COQ10B: variants seen among roughly 807,000 people sequenced by gnomAD.
COQ10B encodes coenzyme Q-binding protein COQ10 homolog B, mitochondrial.
COQ10B carries 12 observed loss-of-function variants against 27.6 expected under a neutral mutation model. That is an observed-to-expected ratio of 0.43 (90% CI 0.28 to 0.70). The LOEUF (loss-of-function observed/expected upper bound fraction) is 0.70. Among genes scored for constraint, COQ10B ranks in the 30% least tolerant of loss-of-function variants. The pLI is 0.17. For missense variants in COQ10B, 278 were observed against 288.7 expected, an observed-to-expected ratio of 0.96 and a Z score of 0.27; for synonymous variants, 115 against 103.0, an observed-to-expected ratio of 1.12 and a Z score of -0.71.
chr2:197,455,389 G>T (rs907555803), intron 1 of COQ10B, among the ~76,000 whole-genome samples: 1 of 152,070 alleles, frequency 6.6e-6, no homozygotes, highest in African/African-American at 2.4e-5. Context: ...ACTTTGGGAG[G>T]CTGAGGCGGG....
intron 4 of COQ10B, among the ~76,000 whole-genome samples, chr2:197,473,546 TGTG>T (rs1209081773): frequency 6.9e-6 from 1 of 144,072 alleles, no homozygotes; most frequent in African/African-American, 2.6e-5. Flanking sequence ...ATTAGCCACA[TGTG>T]GTGGCATATG....
Position 197,475,199 on chromosome 2 carries a change from T to TA in COQ10B, c.*1276dup, listed in dbSNP as rs1269038918. ...TATTTGCATAGACATAGTAAAGTGT[T>TA]ACAGCATTTCATGTCTTAAAAATAT... On this transcript the variant is annotated 3_prime_UTR_variant, in exon 5 of 5. Coordinates refer to ENST00000263960, the MANE Select transcript of COQ10B (RefSeq NM_025147.5). 10 of 152,370 alleles carry TA rather than the reference T, an allele frequency of 6.6e-5. No homozygotes were observed. Among genetic ancestry groups the TA allele is most frequent in the Non-Finnish European group, 8.8e-5 (6 of 68,048 alleles). The allele number at this position is 152,370 out of a possible 1,614,324, so 9.4% of individuals were successfully genotyped here.
At chr2:197,458,333 C>G (rs1243239552) in intron 1 of COQ10B, among the ~76,000 whole-genome samples, 2 of 152,116 alleles carry the variant, frequency 1.3e-5, no homozygotes, top group Non-Finnish European at 2.9e-5. Context: ...GTACACACTT[C>G]TTTTCTCTCT....
chr2:197,467,539 A>C (rs571685474), intron 3 of COQ10B, among the ~76,000 whole-genome samples: 53 of 152,110 alleles, frequency 3.5e-4, no homozygotes, highest in African/African-American at 1.2e-3. Context: ...CACCACGCCC[A>C]GCTAATTTTG....
rs552921206 is a variant in COQ10B at position 197,473,222 on chromosome 2, G to GTGAA, written c.550-534_550-531dup. On this transcript the variant is annotated intron_variant, in intron 4 of 4. Transcript: ENST00000263960. The stretch of plus-strand genomic sequence containing the variant: ...CTACCTTAGATACCCAGTTCATAGT[G>GTGAA]TGAACACCACTGTCCTAAGTGGAGA... Among the ~76,000 whole-genome samples, 799 of 151,448 alleles carry GTGAA rather than the reference G, an allele frequency of 5.3e-3. 6 individuals are homozygous for GTGAA. The highest frequency in any genetic ancestry group is 0.018 in the African/African-American group (731 of 41,224).
At chr2:197,458,522 A>C (rs1043743723) in intron 1 of COQ10B, among the ~76,000 whole-genome samples, 2 of 152,130 alleles carry the variant, frequency 1.3e-5, no homozygotes, top group African/African-American at 4.8e-5. Context: ...TGTTTGTTCT[A>C]TTCACCATTA....
At chr2:197,454,685 G>A (rs746118628) in intron 1 of COQ10B, among the ~76,000 whole-genome samples, 4 of 152,008 alleles carry the variant, frequency 2.6e-5, no homozygotes, top group African/African-American at 7.2e-5. Context: ...CTTATAAAAT[G>A]TTGTCTTGCA....
chr2:197,456,599 C>T (rs1199852642), intron 1 of COQ10B, among the ~76,000 whole-genome samples: 4 of 150,908 alleles, frequency 2.7e-5, no homozygotes, highest in East Asian at 3.9e-4. Flanking sequence ...CCCATCTCAA[C>T]TAAAAATACA....
intron 3 of COQ10B, among the ~76,000 whole-genome samples, chr2:197,469,190 A>G (rs1441967160): frequency 1.3e-5 from 2 of 152,054 alleles, no homozygotes; most frequent in Admixed American, 1.3e-4. Context: ...ATGCATCACT[A>G]AACCTGGCTA....
At chr2:197,470,365 T>A (rs2085865840) in intron 4 of COQ10B, among the ~76,000 whole-genome samples, 194 bp downstream of exon 4, 1 of 152,256 alleles carries the variant, frequency 6.6e-6, no homozygotes, top group Non-Finnish European at 1.5e-5. Context: ...AATCTGTAGA[T>A]TGTAAGATAC....
intron 1 of COQ10B, 138 bp downstream of exon 1, chr2:197,453,802 G>C: frequency 9.9e-7 from 1 of 1,008,880 alleles, no homozygotes; most frequent in South Asian, 1.6e-5. Context: ...GCTTTTTTTT[G>C]CGTTTGGCAT....
chr2:197,453,697 A>G, intron 1 of COQ10B, 33 bp downstream of exon 1: 1 of 1,572,364 alleles, frequency 6.4e-7, no homozygotes, highest in Non-Finnish European at 8.7e-7. Flanking sequence ...AGACGAGAGT[A>G]GTTTTCGATT....
At chr2:197,468,392 G>A (rs1447558231) in intron 3 of COQ10B, among the ~76,000 whole-genome samples, 6 of 144,288 alleles carry the variant, frequency 4.2e-5, no homozygotes, top group Non-Finnish European at 7.5e-5. Context: ...GCAGTGAGTC[G>A]AGATCGCGCC....
intron 2 of COQ10B, among the ~76,000 whole-genome samples, chr2:197,461,653 GA>G (rs2085759790): frequency 6.6e-6 from 1 of 150,950 alleles, no homozygotes; most frequent in South Asian, 2.1e-4. Context: ...GAGAGAGAGA[GA>G]GAGAGAGAGA....
chr2:197,461,356 C>T (rs2085755711), intron 2 of COQ10B, among the ~76,000 whole-genome samples: 1 of 152,136 alleles, frequency 6.6e-6, no homozygotes, highest in African/African-American at 2.4e-5. Flanking sequence ...ACAACACCTC[C>T]TCCCAGATAT....
chr2:197,461,119 C>T (rs1174990808), intron 2 of COQ10B, among the ~76,000 whole-genome samples: 2 of 152,206 alleles, frequency 1.3e-5, no homozygotes, highest in African/African-American at 4.8e-5. Flanking sequence ...GCATTGTTCA[C>T]TAAGTTCACC....
At chr2:197,471,758 A>G (rs1031286087) in intron 4 of COQ10B, among the ~76,000 whole-genome samples, 1 of 152,094 alleles carries the variant, frequency 6.6e-6, no homozygotes, top group Non-Finnish European at 1.5e-5. Context: ...CCTGGCCAAC[A>G]TGGCGAAACC....
chr2:197,457,219 C>A (rs564525118), intron 1 of COQ10B, among the ~76,000 whole-genome samples: 2 of 152,172 alleles, frequency 1.3e-5, no homozygotes, highest in African/African-American at 2.4e-5. Context: ...TAACAGGCCA[C>A]GGACAGGTAC....
At chr2:197,468,026 C>G (rs1403345793) in intron 3 of COQ10B, among the ~76,000 whole-genome samples, 3 of 152,188 alleles carry the variant, frequency 2.0e-5, no homozygotes, top group Non-Finnish European at 4.4e-5. Flanking sequence ...TATTCAGTAT[C>G]TCTGCTCTTA....
Sources: gnomAD v4.1 joint callset for allele counts (sites outside exome capture counted in the v4.1 genomes callset) on GRCh38, gnomAD v4.1.1 for gene constraint, MANE v1.5 for transcripts, NCBI Gene and HGNC (gene_info 2026-07-23, HGNC 2026-07-21) for gene names.